Variants in CECR2 observed in about 807,000 individuals in gnomAD.
The protein encoded by CECR2 is CECR2 histone acetyl-lysine reader, also known as chromatin remodeling regulator CECR2.
In CECR2, 30 loss-of-function variants were observed where a neutral mutation model predicts 154.5. That is an observed-to-expected ratio of 0.19 (90% CI 0.15 to 0.26). CECR2 has a LOEUF of 0.26. Among genes scored for constraint, CECR2 ranks in the 10% least tolerant of loss-of-function variants. The pLI is 1.00. For missense variants in CECR2, 1,743 were observed against 1,829.3 expected, an observed-to-expected ratio of 0.95 and a Z score of 0.86; for synonymous variants, 725 against 683.7, an observed-to-expected ratio of 1.06 and a Z score of -0.94.
rs574102509 is a variant in CECR2 at position 17,548,912 on chromosome 22, T to G, written c.3625T>G (p.Phe1209Val). 1 of 1,613,344 alleles carries G rather than the reference T, an allele frequency of 6.2e-7. No individual in the cohort carries two copies. The highest frequency in any genetic ancestry group is 1.3e-5 in the African/African-American group (1 of 74,854). ...RTPYYACPQSFSDWQRPLHPQ... is the reference protein window; with the variant it reads ...RTPYYACPQSVSDWQRPLHPQ... ...TCCTTACTATGCCTGTCCACAGAGCTTTTCTGACTGGCAGAGACCTCTCCA... is the reference window on the plus strand; with the variant it reads ...TCCTTACTATGCCTGTCCACAGAGCGTTTCTGACTGGCAGAGACCTCTCCA... The change falls in exon 17 of 19, where the codon TTT becomes GTT. Residue 1209 changes from phenylalanine to valine, a missense_variant. This residue lies in a region of CECR2 where 1,250 missense variants were observed against 1,192.1 expected (regional missense o/e 1.05). Coordinates refer to ENST00000262608, the MANE Select transcript of CECR2 (RefSeq NM_001290047.2).
intron 1 of CECR2, among the ~76,000 whole-genome samples, chr22:17,401,067 C>T (rs737918): frequency 0.026 from 3,953 of 151,932 alleles, 46 homozygotes; most frequent in Middle Eastern, 0.051. Context: ...GCGACCAGTC[C>T]CCAGGGGAGT....
At chr22:17,465,424 A>C (rs1232311435) in intron 1 of CECR2, among the ~76,000 whole-genome samples, 1 of 151,242 alleles carries the variant, frequency 6.6e-6, no homozygotes, top group Non-Finnish European at 1.5e-5. Context: ...CCACCTCCTG[A>C]GTTCAAGTGA....
intron 9 of CECR2, among the ~76,000 whole-genome samples, chr22:17,530,248 C>T (rs1389130075): frequency 2.7e-5 from 4 of 150,808 alleles, no homozygotes; most frequent in Admixed American, 6.6e-5. Flanking sequence ...TGTTTTGAGA[C>T]GGAGTGTCGC....
At chr22:17,363,533 G>A (rs1185928208) in intron 1 of CECR2, among the ~76,000 whole-genome samples, 1 of 152,032 alleles carries the variant, frequency 6.6e-6, no homozygotes, top group African/African-American at 2.4e-5. Flanking sequence ...AGCAAAGACA[G>A]GGTTTCACTA....
intron 8 of CECR2, among the ~76,000 whole-genome samples, chr22:17,522,218 G>C (rs1468836076): frequency 6.6e-6 from 1 of 152,136 alleles, no homozygotes; most frequent in African/African-American, 2.4e-5. Context: ...ATACCTTATG[G>C]TGTTTTTTTG....
chr22:17,494,605 T>C (rs1030633052), intron 2 of CECR2, among the ~76,000 whole-genome samples: 19 of 152,234 alleles, frequency 1.2e-4, no homozygotes, highest in African/African-American at 4.1e-4. Context: ...TGCATTTTGA[T>C]AAAGCTGCCA....
chr22:17,473,098 C>T (rs912346707), intron 1 of CECR2, among the ~76,000 whole-genome samples: 5 of 152,206 alleles, frequency 3.3e-5, no homozygotes, highest in Middle Eastern at 6.8e-3. Context: ...ACAGACTTTT[C>T]CCTAATGAGC....
rs1209598318 is a variant in CECR2, at chr22:17,404,364, C to CTTTTTTT, written c.126+34458_126+34459insTTTTTTT. Among the ~76,000 whole-genome samples the CTTTTTTT allele has an allele frequency of 5.7e-4, 34 of 59,604 alleles. 2 individuals carry two copies. The highest frequency in any genetic ancestry group is 1.9e-3 in the African/African-American group (25 of 13,294). The allele number at this position is 59,604 out of a possible 152,430, so 39.1% of individuals were successfully genotyped here. On this transcript the variant is annotated intron_variant, in intron 1 of 18. Transcript: ENST00000262608. ...TGTGGGTTCATTTCTGGACCCTGTT[C>CTTTTTTT]TTTCTTTTTTTTTTTTTTTTTTTTT...
chr22:17,477,519 G>A (rs577004015), intron 1 of CECR2, 69 bp from the exon 2 acceptor site: 13 of 1,016,038 alleles, frequency 1.3e-5, no homozygotes, highest in South Asian at 3.9e-5. Context: ...TTGTGCTGGC[G>A]GTAGGAAGGG....
At chr22:17,380,390 G>A (rs1849867468) in intron 1 of CECR2, among the ~76,000 whole-genome samples, 1 of 152,202 alleles carries the variant, frequency 6.6e-6, no homozygotes, top group Admixed American at 6.5e-5. Context: ...CTGACCTCAT[G>A]TGGCCTTTAC....
At chr22:17,522,258 G>A (rs1375318449) in intron 8 of CECR2, among the ~76,000 whole-genome samples, 1 of 152,158 alleles carries the variant, frequency 6.6e-6, no homozygotes, top group Non-Finnish European at 1.5e-5. Flanking sequence ...AAGAGCAAAG[G>A]CAAATAGTTT....
chr22:17,392,397 A>T (rs1202898527), intron 1 of CECR2, among the ~76,000 whole-genome samples: 16 of 152,192 alleles, frequency 1.1e-4, no homozygotes, highest in Admixed American at 1.0e-3. Context: ...CTGAGGCAGG[A>T]GAATCGCTTG....
chr22:17,508,780 A>G (rs982771925), intron 7 of CECR2, among the ~76,000 whole-genome samples: 1 of 152,178 alleles, frequency 6.6e-6, no homozygotes, highest in African/African-American at 2.4e-5. Context: ...GTTTCTCAAA[A>G]TATATCCTCA....
chr22:17,378,570 G>A (rs2063148293), intron 1 of CECR2, among the ~76,000 whole-genome samples: 1 of 152,236 alleles, frequency 6.6e-6, no homozygotes, highest in African/African-American at 2.4e-5. Flanking sequence ...ACAGGTGTGA[G>A]CCGGCCCACC....
At chr22:17,384,066 G>A (rs2063232272) in intron 1 of CECR2, among the ~76,000 whole-genome samples, 2 of 152,002 alleles carry the variant, frequency 1.3e-5, no homozygotes, top group African/African-American at 4.8e-5. Flanking sequence ...AGTCATCCAC[G>A]AAGGTTGGAA....
chr22:17,390,699 A>T (rs1282489474), intron 1 of CECR2, among the ~76,000 whole-genome samples: 1 of 152,116 alleles, frequency 6.6e-6, no homozygotes, highest in Non-Finnish European at 1.5e-5. Flanking sequence ...GTGCAGTGGC[A>T]CCATCATAGC....
rs2056748083 is a variant in CECR2 at position 17,554,121 on chromosome 22, A to G, written c.*1281A>G. 6.6e-6 allele frequency: 1 copy of G among 152,174 alleles called. No homozygotes were observed. The highest frequency in any genetic ancestry group is 1.5e-5 in the Non-Finnish European group (1 of 68,022). The allele number at this position is 152,174 out of a possible 1,614,324, so 9.4% of individuals were successfully genotyped here. On this transcript the variant is annotated 3_prime_UTR_variant, in exon 19 of 19. Coordinates refer to ENST00000262608, the MANE Select transcript of CECR2 (RefSeq NM_001290047.2). ...ATAGGAAACCATTTTACAGTATTAA[A>G]TTACTTTATTACAGTTGTAGAGTTG...
intron 1 of CECR2, among the ~76,000 whole-genome samples, chr22:17,411,535 A>G (rs2054068272): frequency 6.6e-6 from 1 of 152,208 alleles, no homozygotes; most frequent in Admixed American, 6.5e-5. Flanking sequence ...AGATTTGGCA[A>G]TGTTAGATAT....
chr22:17,420,869 G>A (rs2054235099), intron 1 of CECR2, among the ~76,000 whole-genome samples: 1 of 152,146 alleles, frequency 6.6e-6, no homozygotes, highest in Non-Finnish European at 1.5e-5. Flanking sequence ...CAAAAGTGGA[G>A]AGGAAGGTAC....
Sources: gnomAD v4.1 joint callset for allele counts (sites outside exome capture counted in the v4.1 genomes callset) on GRCh38, gnomAD v4.1.1 for gene constraint, gnomAD v4.1.1 regional missense constraint, MANE v1.5 for transcripts, NCBI Gene and HGNC (gene_info 2026-07-23, HGNC 2026-07-21) for gene names.